The following ELP4 variants were observed in gnomAD, a reference collection of about 807,000 sequenced individuals.
ELP4 encodes elongator acetyltransferase complex subunit 4, also known as elongator complex protein 4.
ELP4 carries 51 observed loss-of-function variants against 48.9 expected under a neutral mutation model. The ratio of observed to expected loss-of-function variants is 1.04; its 90% CI spans 0.83 to 1.32. ELP4 has a LOEUF of 1.32. ELP4 is among the 40% of genes most tolerant of loss of function. The pLI, the probability that ELP4 is intolerant of heterozygous loss-of-function variation, is 0.00. For synonymous variants in ELP4, 210 were observed against 189.2 expected, an observed-to-expected ratio of 1.11 and a Z score of -0.90; for missense variants, 519 against 514.6, an observed-to-expected ratio of 1.01 and a Z score of -0.08.
intron 1 of ELP4, chr11:31,510,661 A>G (rs545352876): frequency 3.1e-6 from 1 of 324,154 alleles, no homozygotes; most frequent in South Asian, 1.6e-4. Context: ...CCCAGTATTG[A>G]TTGCTGCTAC....
Position 31,551,872 on chromosome 11 carries a change from A to G in ELP4, c.381+12089A>G, listed in dbSNP as rs148079884. Reference sequence around the variant, plus strand: ...GACCTTGTGAAAGTCTTTTCAAAACATATCATGACCCTAATTTTATAAGTA... The same window carrying G: ...GACCTTGTGAAAGTCTTTTCAAAACGTATCATGACCCTAATTTTATAAGTA... On this transcript the variant is annotated intron_variant, in intron 3 of 9. Transcript: ENST00000640961. 5.9e-5 allele frequency among the ~76,000 whole-genome samples: 9 copies of G among 152,304 alleles called. No homozygotes were observed. In the East Asian group the frequency reaches 1.7e-3, roughly 29 times the overall value.
chr11:31,550,349 G>T (rs1383271899), intron 3 of ELP4, among the ~76,000 whole-genome samples: 1 of 152,060 alleles, frequency 6.6e-6, no homozygotes, highest in Non-Finnish European at 1.5e-5. Context: ...TGTCTTGATT[G>T]TATTAATGGT....
At chr11:31,701,249 T>G (rs1393158570) in intron 9 of ELP4, among the ~76,000 whole-genome samples, 1 of 152,172 alleles carries the variant, frequency 6.6e-6, no homozygotes, top group African/African-American at 2.4e-5. Flanking sequence ...AATAAAACTT[T>G]TTGGATATTT....
chr11:31,746,202 C>T (rs1280842145), intron 9 of ELP4, among the ~76,000 whole-genome samples: 1 of 152,202 alleles, frequency 6.6e-6, no homozygotes, highest in East Asian at 1.9e-4. Flanking sequence ...CATCTCACAC[C>T]AGTTAGAATG....
At chr11:31,553,725 A>ACACACACACACACACAC (rs1362894921) in intron 3 of ELP4, among the ~76,000 whole-genome samples, 1 of 140,404 alleles carries the variant, frequency 7.1e-6, no homozygotes, top group African/African-American at 2.7e-5. Flanking sequence ...TGCACACACA[A>ACACACACACACACACAC]ACACACACAC....
intron 2 of ELP4, among the ~76,000 whole-genome samples, chr11:31,524,861 T>C (rs1055954009): frequency 6.6e-6 from 1 of 152,164 alleles, no homozygotes; most frequent in Non-Finnish European, 1.5e-5. Context: ...GGCATGTACC[T>C]GTAGTCCCAG....
intron 9 of ELP4, among the ~76,000 whole-genome samples, chr11:31,744,068 C>T (rs1263365846): frequency 5.0e-4 from 76 of 152,104 alleles, no homozygotes; most frequent in East Asian, 9.7e-4. Flanking sequence ...ATATCACCAC[C>T]GATCCCACAG....
At chr11:31,595,509 A>G (rs1957655409) in intron 4 of ELP4, among the ~76,000 whole-genome samples, 1 of 152,222 alleles carries the variant, frequency 6.6e-6, no homozygotes, top group Admixed American at 6.5e-5. Context: ...CTAGTAGAAA[A>G]GAAAGGAATA....
chr11:31,534,268 T>G (rs1027704301), intron 2 of ELP4, among the ~76,000 whole-genome samples: 1 of 146,888 alleles, frequency 6.8e-6, no homozygotes, highest in African/African-American at 2.5e-5. Context: ...GGTGGATTGG[T>G]GTGTGTGTGT....
In ELP4 at chr11:31,659,971, A is replaced by G. The variant is rs962483422; in HGVS notation, c.1143+9750A>G. Reference sequence around the variant, plus strand: ...CATGCCATTGCACTCCAGCCTGGGCAACAGTGCGAGACTCCATCTCAAAAA... The same window carrying G: ...CATGCCATTGCACTCCAGCCTGGGCGACAGTGCGAGACTCCATCTCAAAAA... On this transcript the variant is annotated intron_variant, in intron 9 of 9. Transcript: ENST00000640961. Among the ~76,000 whole-genome samples the G allele has an allele frequency of 2.6e-5, 4 of 152,144 alleles. No homozygotes were observed. The South Asian group carries it at 8.3e-4, about 31-fold the overall frequency.
At chr11:31,613,083 TA>T (rs1958012172) in intron 5 of ELP4, among the ~76,000 whole-genome samples, 2 of 152,184 alleles carry the variant, frequency 1.3e-5, no homozygotes, top group Admixed American at 6.5e-5. Flanking sequence ...GGTCTAAGGC[TA>T]ATGGAAGCTG....
At chr11:31,548,592 A>T (rs1382596634) in intron 3 of ELP4, among the ~76,000 whole-genome samples, 1 of 152,224 alleles carries the variant, frequency 6.6e-6, no homozygotes, top group African/African-American at 2.4e-5. Context: ...TGCCATCCCT[A>T]TCAAGCTACC....
chr11:31,657,793 A>G (rs1287912929), intron 9 of ELP4, among the ~76,000 whole-genome samples: 1 of 151,992 alleles, frequency 6.6e-6, no homozygotes, highest in Non-Finnish European at 1.5e-5. Flanking sequence ...GATCTTCTGA[A>G]GTCATATGCA....
At chr11:31,692,003 AC>A (rs1442710752) in intron 9 of ELP4, among the ~76,000 whole-genome samples, 1 of 152,200 alleles carries the variant, frequency 6.6e-6, no homozygotes, top group African/African-American at 2.4e-5. Flanking sequence ...GTTTTAAGCA[AC>A]TAAGGATTTA....
rs184293566 is a variant in ELP4, at chr11:31,611,806, A to G, written c.653+7899A>G. 3.0e-4 allele frequency among the ~76,000 whole-genome samples: 46 copies of G among 152,298 alleles called. No homozygotes were observed. In the East Asian group the frequency reaches 6.7e-3, roughly 22 times the overall value. ...TAATTTTTTTTAAACAAGCAAACAA[A>G]TATATATGTAGTTAAATATAAAGAA... On this transcript the variant is annotated intron_variant, in intron 5 of 9. Coordinates refer to ENST00000640961, the MANE Select transcript of ELP4 (RefSeq NM_019040.5).
intron 9 of ELP4, chr11:31,650,459 G>GTA (rs1208652393): frequency 2.9e-5 from 10 of 346,262 alleles, no homozygotes; most frequent in African/African-American, 1.9e-4. Flanking sequence ...TCTATTAAAA[G>GTA]TAAGCTCCAA....
chr11:31,574,326 C>A (rs1028746606), intron 3 of ELP4, among the ~76,000 whole-genome samples: 5 of 152,152 alleles, frequency 3.3e-5, no homozygotes, highest in African/African-American at 7.2e-5. Flanking sequence ...GCTAAGGAAA[C>A]CTGCCTGCCT....
At chr11:31,578,065 TCTC>T (rs1187320830) in intron 3 of ELP4, among the ~76,000 whole-genome samples, 2 of 152,126 alleles carry the variant, frequency 1.3e-5, no homozygotes, top group Non-Finnish European at 2.9e-5. Flanking sequence ...CAGCCCAAAA[TCTC>T]CTTAAGCTGA....
chr11:31,771,975 C>A (rs145048470), intron 9 of ELP4, among the ~76,000 whole-genome samples: 30,362 of 151,706 alleles, frequency 0.2, 3,708 homozygotes, highest in Middle Eastern at 0.28. Flanking sequence ...GAGCGAGACT[C>A]CGTCTCTAAA....
Sources: gnomAD v4.1 joint callset for allele counts (sites outside exome capture counted in the v4.1 genomes callset) on GRCh38, gnomAD v4.1.1 for gene constraint, MANE v1.5 for transcripts, NCBI Gene and HGNC (gene_info 2026-07-23, HGNC 2026-07-21) for gene names.